Variants in ELP4 observed in about 807,000 individuals in gnomAD.
The protein encoded by ELP4 is elongator complex protein 4.
A neutral mutation model predicts 48.9 loss-of-function variants in ELP4; 51 were observed. That is an observed-to-expected ratio of 1.04 (90% CI 0.83 to 1.32). ELP4 has a LOEUF of 1.32. Ranked by LOEUF, ELP4 falls within the 40% of genes most tolerant of loss-of-function variation. The pLI is 0.00. For synonymous variants in ELP4, 210 were observed against 189.2 expected (o/e 1.11, Z -0.90); for missense variants, 519 against 514.6 (o/e 1.01, Z -0.08).
intron 9 of ELP4, among the ~76,000 whole-genome samples, chr11:31,763,093 CAAA>C (rs34634356): frequency 1.5e-4 from 20 of 137,568 alleles, no homozygotes; most frequent in Non-Finnish European, 2.2e-4. Flanking sequence ...GTATAATGAG[CAAA>C]AAAAAAAAGC....
chr11:31,739,877 C>A (rs1947408061), intron 9 of ELP4, among the ~76,000 whole-genome samples: 1 of 152,138 alleles, frequency 6.6e-6, no homozygotes, highest in South Asian at 2.1e-4. Context: ...AACATATTTA[C>A]CTATTTATCA....
At chr11:31,736,897 A>C (rs1947331496) in intron 9 of ELP4, among the ~76,000 whole-genome samples, 1 of 152,208 alleles carries the variant, frequency 6.6e-6, no homozygotes, top group Admixed American at 6.5e-5. Flanking sequence ...ACCATTGTGG[A>C]AGTCAGTGTG....
At chr11:31,576,274 C>A (rs1957276863) in intron 3 of ELP4, among the ~76,000 whole-genome samples, 1 of 152,180 alleles carries the variant, frequency 6.6e-6, no homozygotes, top group Admixed American at 6.5e-5. Context: ...AATGCAGGAG[C>A]ACCCAGATTC....
At chr11:31,577,963 A>T (rs1957315159) in intron 3 of ELP4, among the ~76,000 whole-genome samples, 1 of 152,190 alleles carries the variant, frequency 6.6e-6, no homozygotes, top group African/African-American at 2.4e-5. Flanking sequence ...GGCAAGAGAA[A>T]GAAATAAAGT....
At chr11:31,543,336 T>C (rs1956624154) in intron 3 of ELP4, among the ~76,000 whole-genome samples, 1 of 152,092 alleles carries the variant, frequency 6.6e-6, no homozygotes, top group South Asian at 2.1e-4. Context: ...TTTTTTGTTT[T>C]TGGGACGGAG....
intron 7 of ELP4, among the ~76,000 whole-genome samples, chr11:31,639,426 C>T (rs961915133): frequency 3.3e-5 from 5 of 151,876 alleles, no homozygotes; most frequent in Middle Eastern, 3.4e-3. Context: ...GTCCTTCTAC[C>T]ATAGACTTTG....
At chr11:31,578,354 A>G (rs1276958818) in intron 3 of ELP4, among the ~76,000 whole-genome samples, 5 of 152,126 alleles carry the variant, frequency 3.3e-5, no homozygotes, top group Non-Finnish European at 5.9e-5. Flanking sequence ...TGTGAAAATG[A>G]CTATACTGCC....
intron 9 of ELP4, among the ~76,000 whole-genome samples, chr11:31,692,434 T>A (rs765392476): frequency 6.6e-6 from 1 of 152,202 alleles, no homozygotes; most frequent in Non-Finnish European, 1.5e-5. Flanking sequence ...GCCCTACTAC[T>A]ATAAATAATG....
chr11:31,746,127 A>T (rs1193121228), intron 9 of ELP4, among the ~76,000 whole-genome samples: 5 of 152,258 alleles, frequency 3.3e-5, no homozygotes, highest in African/African-American at 9.6e-5. Context: ...GCCAAAAAAC[A>T]CATGAAAAAA....
intron 7 of ELP4, chr11:31,646,611 AGG>A (rs1419969401): frequency 6.6e-6 from 1 of 151,772 alleles, no homozygotes; most frequent in Non-Finnish European, 1.5e-5. Context: ...TCTTTCTAAC[AGG>A]GGATATAGCA....
At chr11:31,774,876 G>C (rs1404353577) in intron 9 of ELP4, among the ~76,000 whole-genome samples, 1 of 152,190 alleles carries the variant, frequency 6.6e-6, no homozygotes, top group Non-Finnish European at 1.5e-5. Flanking sequence ...AGAAGTTCAT[G>C]TATCTCTCAC....
intron 9 of ELP4, among the ~76,000 whole-genome samples, chr11:31,737,444 T>G (rs567658196): frequency 1.3e-5 from 2 of 151,882 alleles, no homozygotes; most frequent in Admixed American, 6.6e-5. Flanking sequence ...ATTGTGCACA[T>G]GTACCCTAAA....
chr11:31,561,997 C>T (rs1440891778), intron 3 of ELP4, among the ~76,000 whole-genome samples: 7 of 152,122 alleles, frequency 4.6e-5, no homozygotes. Flanking sequence ...CAGTGCCATC[C>T]ATAGGCAGTG....
chr11:31,579,355 A>G (rs1242281184), intron 3 of ELP4, among the ~76,000 whole-genome samples: 1 of 152,210 alleles, frequency 6.6e-6, no homozygotes, highest in African/African-American at 2.4e-5. Flanking sequence ...AACTAGTTCA[A>G]CCATTGTGGA....
chr11:31,604,774 TTA>T (rs1418071239), intron 5 of ELP4, among the ~76,000 whole-genome samples: 3 of 151,950 alleles, frequency 2.0e-5, no homozygotes, highest in African/African-American at 7.2e-5. Context: ...CTCATGCTTA[TTA>T]AATGTTTCCA....
intron 3 of ELP4, among the ~76,000 whole-genome samples, chr11:31,587,577 A>C (rs1373984780): frequency 6.6e-6 from 1 of 152,198 alleles, no homozygotes; most frequent in East Asian, 1.9e-4. Context: ...TGAACTGAAG[A>C]ATTGTTGATC....
intron 9 of ELP4, among the ~76,000 whole-genome samples, chr11:31,695,742 G>A (rs938418194): frequency 1.4e-5 from 2 of 141,144 alleles, no homozygotes; most frequent in Admixed American, 7.3e-5. Flanking sequence ...AGAAGGAATG[G>A]TACCAGCTCC....
At chr11:31,752,945 A>G (rs971033852) in intron 9 of ELP4, among the ~76,000 whole-genome samples, 1 of 152,114 alleles carries the variant, frequency 6.6e-6, no homozygotes, top group South Asian at 2.1e-4. Flanking sequence ...AGGACCTGAG[A>G]CCTAGGACTT....
chr11:31,737,434 A>G (rs1430889680), intron 9 of ELP4, among the ~76,000 whole-genome samples: 2 of 152,124 alleles, frequency 1.3e-5, no homozygotes, highest in South Asian at 2.1e-4. Context: ...AAACCTGCAC[A>G]TTGTGCACAT....
Sources: allele counts gnomAD v4.1 joint callset (sites outside exome capture counted in the v4.1 genomes callset), GRCh38; gene constraint gnomAD v4.1.1; transcripts MANE v1.5; gene names NCBI Gene and HGNC (gene_info 2026-07-23, HGNC 2026-07-21).